GNAL: variants seen among roughly 807,000 people sequenced by gnomAD.
GNAL encodes guanine nucleotide-binding protein G(olf) subunit alpha.
In GNAL, 18 loss-of-function variants were observed where a neutral mutation model predicts 55.1. The observed-to-expected ratio is 0.33, with a 90% CI of 0.23 to 0.48. The LOEUF (loss-of-function observed/expected upper bound fraction) is 0.48. Among genes scored for constraint, GNAL ranks in the 20% least tolerant of loss-of-function variants. GNAL has a pLI of 0.99. For missense variants in GNAL, 412 were observed against 614.1 expected (o/e 0.67, Z 3.48); for synonymous variants, 253 against 237.0 (o/e 1.07, Z -0.62).
intron 4 of GNAL, among the ~76,000 whole-genome samples, chr18:11,772,001 G>A (rs1262612112): frequency 6.6e-6 from 1 of 151,830 alleles, no homozygotes; most frequent in African/African-American, 2.4e-5. Flanking sequence ...GATTACTGGT[G>A]CCCCGCCCCT....
chr18:11,696,621 G>A (rs1380365651), intron 1 of GNAL, among the ~76,000 whole-genome samples: 2 of 152,116 alleles, frequency 1.3e-5, no homozygotes, highest in Non-Finnish European at 2.9e-5. Context: ...TTACAGCAAT[G>A]ATACTAAAAT....
intron 5 of GNAL, among the ~76,000 whole-genome samples, chr18:11,846,030 T>C (rs1026060580): frequency 3.3e-5 from 5 of 152,154 alleles, no homozygotes; most frequent in Non-Finnish European, 7.3e-5. Context: ...TGAGGGATTA[T>C]TACCCACTGT....
chr18:11,797,072 G>C (rs73403531), intron 4 of GNAL, among the ~76,000 whole-genome samples: 13,062 of 152,064 alleles, frequency 0.086, 1,001 homozygotes, highest in African/African-American at 0.2. Flanking sequence ...CAGACTCAAG[G>C]GATTATCCCA....
At chr18:11,793,778 C>T (rs941275430) in intron 4 of GNAL, among the ~76,000 whole-genome samples, 1 of 151,962 alleles carries the variant, frequency 6.6e-6, no homozygotes, top group East Asian at 1.9e-4. Flanking sequence ...AAAAAATTAG[C>T]TGGGCGTGGT....
intron 5 of GNAL, among the ~76,000 whole-genome samples, chr18:11,849,518 AAAAG>A (rs1353854544): frequency 1.5e-4 from 20 of 131,908 alleles, no homozygotes; most frequent in Non-Finnish European, 3.2e-4. Flanking sequence ...AAAAAAAAAA[AAAAG>A]AAAGAAAAGA....
At chr18:11,842,925 G>T (rs2035650457) in intron 5 of GNAL, among the ~76,000 whole-genome samples, 1 of 152,168 alleles carries the variant, frequency 6.6e-6, no homozygotes, top group Admixed American at 6.5e-5. Flanking sequence ...TTTCACTGTT[G>T]AGTGACTTTA....
intron 1 of GNAL, among the ~76,000 whole-genome samples, chr18:11,726,953 G>T (rs543171993): frequency 3.3e-4 from 50 of 151,694 alleles, no homozygotes; most frequent in African/African-American, 9.2e-4. Flanking sequence ...TTTTCTTAAG[G>T]TTAGAAAACA....
chr18:11,803,797 T>C (rs60437921), intron 4 of GNAL, among the ~76,000 whole-genome samples: 6,322 of 115,932 alleles, frequency 0.055, 204 homozygotes, highest in African/African-American at 0.13. Flanking sequence ...TACTGTGTAG[T>C]GGTGAAGTAC....
In GNAL at chr18:11,752,661, G is replaced by T. The variant is rs1333952002; in HGVS notation, c.377-192G>T. The T allele has an allele frequency of 3.0e-6, 4 of 1,347,880 alleles. No homozygotes were observed. Among genetic ancestry groups the T allele is most frequent in the Non-Finnish European group, 3.9e-6 (4 of 1,036,274 alleles). The allele number at this position is 1,347,880 out of a possible 1,614,324, so 83.5% of individuals were successfully genotyped here. The stretch of plus-strand genomic sequence containing the variant: ...GGCGAGCGCCAGGCTGGGCGGGCAG[G>T]GCCGGGCGAGGGTCGCGCGCACCTC... On this transcript the variant is annotated intron_variant, in intron 1 of 11. Coordinates refer to ENST00000334049, the MANE Select transcript of GNAL (RefSeq NM_182978.4). This position sits in a 1 kb window ranked among gnomAD's most constrained non-coding sequence, Gnocchi z 4.5.
chr18:11,782,369 T>C (rs1247743218), intron 4 of GNAL, among the ~76,000 whole-genome samples: 1 of 152,142 alleles, frequency 6.6e-6, no homozygotes, highest in African/African-American at 2.4e-5. Context: ...TGCAATGACA[T>C]GGATGGATCT....
intron 5 of GNAL, among the ~76,000 whole-genome samples, chr18:11,840,875 CTT>C (rs112505457): frequency 1.2e-4 from 17 of 136,954 alleles, no homozygotes; most frequent in Admixed American, 2.9e-4. Context: ...TTTTTCTTTT[CTT>C]TTTTTTTTTT....
chr18:11,752,589 G>A lies in GNAL; in HGVS notation c.377-264G>A. On this transcript the variant is annotated intron_variant, in intron 1 of 11. Coordinates refer to ENST00000334049, the MANE Select transcript of GNAL (RefSeq NM_182978.4). The surrounding 1 kb of genome is among the most constrained non-coding windows in gnomAD (Gnocchi z 4.5). ...GCCTGCTGCTCCTGGGTAAGGCCGA[G>A]GGGCGCGCGGCGGCTCCCGGCCCCA... The A allele has an allele frequency of 1.9e-6, 3 of 1,587,888 alleles. No individual in the cohort carries two copies. Among genetic ancestry groups the A allele is most frequent in the Middle Eastern group, 3.5e-4 (2 of 5,778 alleles).
intron 4 of GNAL, among the ~76,000 whole-genome samples, chr18:11,761,828 C>A (rs1374431784): frequency 6.6e-6 from 1 of 152,228 alleles, no homozygotes; most frequent in Non-Finnish European, 1.5e-5. Flanking sequence ...AAATACTTCA[C>A]AAATAGTTAG....
At chr18:11,776,145 C>T (rs1598448028) in intron 4 of GNAL, among the ~76,000 whole-genome samples, 2 of 152,192 alleles carry the variant, frequency 1.3e-5, no homozygotes, top group South Asian at 4.1e-4. Flanking sequence ...GTTTCCAGTG[C>T]AAATCTGACT....
chr18:11,871,668 G>A (rs2036402040), intron 9 of GNAL, among the ~76,000 whole-genome samples: 1 of 152,194 alleles, frequency 6.6e-6, no homozygotes, highest in Non-Finnish European at 1.5e-5. Context: ...TGTGTTATTA[G>A]CTAATGAGTC....
intron 11 of GNAL, among the ~76,000 whole-genome samples, chr18:11,878,796 C>T (rs1241918787): frequency 1.3e-5 from 2 of 151,978 alleles, no homozygotes; most frequent in African/African-American, 2.4e-5. Context: ...TCGAACTCCT[C>T]GCCTCAAGTG....
At chr18:11,717,365 G>A (rs376780462) in intron 1 of GNAL, among the ~76,000 whole-genome samples, 129 of 152,342 alleles carry the variant, frequency 8.5e-4, no homozygotes, top group African/African-American at 2.1e-3. Context: ...GTGCAGTGGC[G>A]GGTTGAAGGG....
chr18:11,856,890 C>A (rs2036020649), intron 5 of GNAL, among the ~76,000 whole-genome samples: 1 of 152,166 alleles, frequency 6.6e-6, no homozygotes, highest in Admixed American at 6.5e-5. Flanking sequence ...CATGATTGTG[C>A]CACTGCACTC....
At chr18:11,875,934 TC>T (rs1305950405) in intron 10 of GNAL, among the ~76,000 whole-genome samples, 1 of 152,030 alleles carries the variant, frequency 6.6e-6, no homozygotes, top group Non-Finnish European at 1.5e-5. Context: ...TCTCATTTCC[TC>T]CTCACATGGT....
Sources: gnomAD v4.1 joint callset for allele counts (sites outside exome capture counted in the v4.1 genomes callset) on GRCh38, gnomAD v4.1.1 for gene constraint, Gnocchi (gnomAD v3.1) non-coding constraint, MANE v1.5 for transcripts, NCBI Gene and HGNC (gene_info 2026-07-23, HGNC 2026-07-21) for gene names.